Variants in LIN28B observed in about 807,000 individuals in gnomAD.
LIN28B encodes protein lin-28 homolog B.
A neutral mutation model predicts 21.9 loss-of-function variants in LIN28B; 5 were observed. That is an observed-to-expected ratio of 0.23 (90% confidence interval 0.12 to 0.48). The LOEUF (loss-of-function observed/expected upper bound fraction) is 0.48, where lower values mean the gene tolerates loss of function less well. Among genes scored for constraint, LIN28B ranks in the 20% least tolerant of loss-of-function variants. The pLI, the probability that LIN28B is intolerant of heterozygous loss-of-function variation, is 0.98. For synonymous variants in LIN28B, 109 were observed against 111.3 expected, an observed-to-expected ratio of 0.98 and a Z score of 0.13; for missense variants, 245 against 310.5, an observed-to-expected ratio of 0.79 and a Z score of 1.58.
chr6:104,955,077 A>AT (rs1248035853), upstream of LIN28B, among the ~76,000 whole-genome samples: 1 of 152,124 alleles, frequency 6.6e-6, no homozygotes, highest in Non-Finnish European at 1.5e-5. Context: ...CCAGATGTTG[A>AT]TTTTTTAAAG....
intron 3 of LIN28B, among the ~76,000 whole-genome samples, chr6:105,047,025 G>C (rs1771783748): frequency 6.6e-6 from 1 of 152,182 alleles, no homozygotes; most frequent in Non-Finnish European, 1.5e-5. Flanking sequence ...AGTTTAATTA[G>C]ATCCCATTTG....
At position 105,080,115 on chromosome 6, in the gene LIN28B, G is replaced by A. The variant is rs941939312; in HGVS notation, c.*1332G>A. On this transcript the variant is annotated 3_prime_UTR_variant, in exon 4 of 4. Coordinates refer to ENST00000345080, the MANE Select transcript of LIN28B (RefSeq NM_001004317.4). ...GGTGGATACAGGATGAACATTCAGT[G>A]CCAGGGAGAATCTTCTCAGGTTGGT... The A allele has an allele frequency of 3.3e-5, 5 of 152,588 alleles. No homozygotes were observed. The East Asian group carries it at 9.7e-4, about 29-fold the overall frequency. The allele number at this position is 152,588 out of a possible 1,614,324, so 9.5% of individuals were successfully genotyped here. A position where few individuals can be genotyped will look rare whatever the true frequency, so the allele number is the denominator to read the frequency against.
chr6:105,063,190 A>G (rs1772153851), intron 3 of LIN28B, among the ~76,000 whole-genome samples: 1 of 152,312 alleles, frequency 6.6e-6, no homozygotes, highest in Admixed American at 6.5e-5. Flanking sequence ...TTATACAATT[A>G]CATCATTATA....
chr6:105,055,722 G>T (rs1365785236), intron 3 of LIN28B, among the ~76,000 whole-genome samples: 1 of 151,780 alleles, frequency 6.6e-6, no homozygotes, highest in Non-Finnish European at 1.5e-5. Flanking sequence ...GTAGTTTTCA[G>T]CTCTAATATT....
At chr6:104,991,255 A>G (rs1444640446) in intron 2 of LIN28B, among the ~76,000 whole-genome samples, 3 of 146,518 alleles carry the variant, frequency 2.0e-5, no homozygotes. Context: ...TCCCTCCCGG[A>G]CGGGGTGGCT....
At chr6:104,946,736 G>A (rs1562558836) in intron 2 of LIN28B, among the ~76,000 whole-genome samples, 1 of 152,136 alleles carries the variant, frequency 6.6e-6, no homozygotes. Context: ...TCCAAAGAAT[G>A]TAGTTCAGTG....
chr6:105,063,507 A>G (rs901895318), intron 3 of LIN28B, among the ~76,000 whole-genome samples: 5 of 151,956 alleles, frequency 3.3e-5, no homozygotes, highest in Non-Finnish European at 7.4e-5. Context: ...ATGGTGGCGC[A>G]TGCCTGTAGT....
At chr6:105,041,040 C>A (rs1184131918) in intron 3 of LIN28B, among the ~76,000 whole-genome samples, 1 of 151,714 alleles carries the variant, frequency 6.6e-6, no homozygotes, top group Admixed American at 6.6e-5. Context: ...GCCTCCTGAG[C>A]AGCTTGGATT....
chr6:104,946,258 CTTACTT>C (rs1323243531), intron 2 of LIN28B, among the ~76,000 whole-genome samples: 2 of 152,012 alleles, frequency 1.3e-5, no homozygotes, highest in African/African-American at 4.8e-5. Context: ...AACTATTTCT[CTTACTT>C]TTAAGTAAAT....
chr6:104,956,250 C>T (rs1213732520), upstream of LIN28B, among the ~76,000 whole-genome samples: 1 of 151,954 alleles, frequency 6.6e-6, no homozygotes, highest in Non-Finnish European at 1.5e-5. Context: ...CCCCCTCCTG[C>T]CCTATGTCCT....
At chr6:104,968,639 C>A (rs1465275018) in intron 2 of LIN28B, among the ~76,000 whole-genome samples, 2 of 152,106 alleles carry the variant, frequency 1.3e-5, no homozygotes, top group Non-Finnish European at 2.9e-5. Flanking sequence ...TATAAAGACT[C>A]CATATAAATT....
At chr6:105,039,115 T>C (rs1771580510) in intron 3 of LIN28B, among the ~76,000 whole-genome samples, 1 of 152,198 alleles carries the variant, frequency 6.6e-6, no homozygotes, top group Non-Finnish European at 1.5e-5. Flanking sequence ...ACCAGTATTA[T>C]TAATTTTAAA....
intron 3 of LIN28B, among the ~76,000 whole-genome samples, chr6:105,050,449 A>C (rs895108006): frequency 2.6e-5 from 4 of 151,108 alleles, no homozygotes; most frequent in Admixed American, 1.3e-4. Context: ...AAAAATACAA[A>C]AAATTAGCCG....
intron 3 of LIN28B, among the ~76,000 whole-genome samples, chr6:105,047,774 G>A (rs1468994130): frequency 1.3e-5 from 2 of 152,192 alleles, no homozygotes; most frequent in East Asian, 3.9e-4. Flanking sequence ...TATTCTCTTT[G>A]AAGCAATTGT....
intron 3 of LIN28B, among the ~76,000 whole-genome samples, chr6:105,028,396 G>C (rs368608421): frequency 3.3e-5 from 5 of 152,144 alleles, no homozygotes; most frequent in African/African-American, 1.2e-4. Context: ...GGAGAGGCAA[G>C]GATAGAAGCT....
chr6:104,937,950 T>C (rs1247228571), intron 2 of LIN28B, among the ~76,000 whole-genome samples: 1 of 148,738 alleles, frequency 6.7e-6, no homozygotes, highest in East Asian at 2.0e-4. Context: ...TGGTGGTTCA[T>C]GCCTGTAATC....
At chr6:104,994,803 G>C (rs974875089) in intron 2 of LIN28B, among the ~76,000 whole-genome samples, 1 of 152,166 alleles carries the variant, frequency 6.6e-6, no homozygotes, top group Admixed American at 6.5e-5. Flanking sequence ...GGGATGGAAA[G>C]GTTGGCCTTA....
rs768065982 is a variant in LIN28B at position 105,079,458 on chromosome 6, C to T, written c.*675C>T. 2.6e-5 allele frequency: 4 copies of T among 152,486 alleles called. No homozygotes were observed. Among genetic ancestry groups the T allele is most frequent in the Non-Finnish European group, 5.9e-5 (4 of 68,008 alleles). 9.4% of individuals were successfully genotyped at this position (152,486 alleles called of 1,614,324 possible). A position where few individuals can be genotyped will look rare whatever the true frequency, so the allele number is the denominator to read the frequency against. ...TTCATATGCCTCTGACTGCCATAAG[C>T]TTTTTTGATTCTGGGATAACATAAC... On this transcript the variant is annotated 3_prime_UTR_variant, in exon 4 of 4. Transcript: ENST00000345080.
chr6:105,058,855 C>T (rs1414972360), intron 3 of LIN28B, among the ~76,000 whole-genome samples: 2 of 152,068 alleles, frequency 1.3e-5, no homozygotes, highest in Non-Finnish European at 2.9e-5. Flanking sequence ...ATTTTTCTTT[C>T]TCTTTTTGTG....
Sources: gnomAD v4.1 joint callset for allele counts (sites outside exome capture counted in the v4.1 genomes callset) on GRCh38, gnomAD v4.1.1 for gene constraint, MANE v1.5 for transcripts, NCBI Gene and HGNC (gene_info 2026-07-23, HGNC 2026-07-21) for gene names.